Variants in BRAF observed in about 807,000 individuals in gnomAD.
The protein encoded by BRAF is B-Raf proto-oncogene, serine/threonine kinase, also known as serine/threonine-protein kinase B-raf.
In BRAF, 16 loss-of-function variants were observed where a neutral mutation model predicts 104.6. The observed-to-expected ratio is 0.15, with a 90% CI of 0.10 to 0.23. The LOEUF (loss-of-function observed/expected upper bound fraction) is 0.23. BRAF is among the 10% of genes least tolerant of loss of function. The pLI is 1.00. For synonymous variants in BRAF, 310 were observed against 341.6 expected, an observed-to-expected ratio of 0.91 and a Z score of 1.02; for missense variants, 541 against 937.3, an observed-to-expected ratio of 0.58 and a Z score of 5.52.
chr7:140,759,897 A>G (rs1219668710), intron 14 of BRAF, among the ~76,000 whole-genome samples: 1 of 152,330 alleles, frequency 6.6e-6, no homozygotes, highest in Admixed American at 6.5e-5. Flanking sequence ...TCTAAAACTT[A>G]GCATTTCTAA....
chr7:140,850,247 C>A (rs777696368), intron 1 of BRAF, 35 bp from the exon 2 acceptor site: 2 of 1,456,588 alleles, frequency 1.4e-6, no homozygotes, highest in Non-Finnish European at 9.6e-7. Context: ...AAATAAAAAT[C>A]ACTTAGTATA....
chr7:140,865,997 A>C (rs1432828254), intron 1 of BRAF, among the ~76,000 whole-genome samples: 1 of 152,224 alleles, frequency 6.6e-6, no homozygotes, highest in Non-Finnish European at 1.5e-5. Context: ...CCATAACGTC[A>C]AACTGTCCAC....
chr7:140,908,872 C>G (rs1457171896), intron 1 of BRAF, among the ~76,000 whole-genome samples: 1 of 136,626 alleles, frequency 7.3e-6, no homozygotes, highest in Non-Finnish European at 1.7e-5. Context: ...AGATTGGCAA[C>G]TGCCTTTAGG....
chr7:140,902,543 G>A (rs1315141552), intron 1 of BRAF, among the ~76,000 whole-genome samples: 1 of 152,220 alleles, frequency 6.6e-6, no homozygotes, highest in Non-Finnish European at 1.5e-5. Context: ...ATGTTGAAAG[G>A]CAGGCCTCTT....
rs936705115 is a variant in BRAF, at chr7:140,721,420, G to C, written c.*5074C>G. ...CCCTTTCCACAATTAACAAAAATTA[G>C]AATTGAATTTCAATTTAAATGTCTT... On this transcript the variant is annotated 3_prime_UTR_variant, in exon 20 of 20. Coordinates refer to ENST00000644969, the MANE Select transcript of BRAF (RefSeq NM_001374258.1). The C allele has an allele frequency of 8.0e-7, 1 of 1,251,260 alleles. No individual in the cohort carries two copies. Among genetic ancestry groups the C allele is most frequent in the African/African-American group, 1.5e-5 (1 of 64,588 alleles). The allele number at this position is 1,251,260 out of a possible 1,614,324, so 77.5% of individuals were successfully genotyped here.
chr7:140,756,972 T>C (rs1798252587), intron 14 of BRAF, among the ~76,000 whole-genome samples: 1 of 152,198 alleles, frequency 6.6e-6, no homozygotes, highest in Admixed American at 6.5e-5. Flanking sequence ...TTAAAAGCAA[T>C]ACTTCAGATC....
chr7:140,860,463 T>C (rs1196309759), intron 1 of BRAF, among the ~76,000 whole-genome samples: 4 of 109,008 alleles, frequency 3.7e-5, no homozygotes, highest in African/African-American at 2.0e-4. Context: ...ACCCCATCTC[T>C]AGAAAAAAAA....
intron 4 of BRAF, 139 bp from the exon 5 acceptor site, chr7:140,808,201 G>T (rs1803854626): frequency 1.4e-6 from 1 of 710,334 alleles, no homozygotes; most frequent in African/African-American, 1.8e-5. Context: ...TCCATCGTTA[G>T]AAATTTAAAT....
chr7:140,851,569 G>A (rs536009435), intron 1 of BRAF, among the ~76,000 whole-genome samples: 2 of 152,226 alleles, frequency 1.3e-5, no homozygotes, highest in African/African-American at 4.8e-5. Flanking sequence ...CAGAGTAAAA[G>A]TGCAAGTTTT....
At chr7:140,864,940 G>C (rs1810790452) in intron 1 of BRAF, among the ~76,000 whole-genome samples, 1 of 152,226 alleles carries the variant, frequency 6.6e-6, no homozygotes, top group South Asian at 2.1e-4. Flanking sequence ...GACAGAACAA[G>C]AGGACCAATG....
intron 1 of BRAF, among the ~76,000 whole-genome samples, chr7:140,897,464 T>A (rs1815070736): frequency 6.6e-6 from 1 of 151,840 alleles, no homozygotes; most frequent in Non-Finnish European, 1.5e-5. Context: ...AATATGCTTT[T>A]AACTCTGGAT....
At chr7:140,760,881 G>T (rs993607784) in intron 14 of BRAF, among the ~76,000 whole-genome samples, 1 of 152,092 alleles carries the variant, frequency 6.6e-6, no homozygotes, top group African/African-American at 2.4e-5. Context: ...AAGAAATATG[G>T]GACTATGTGA....
chr7:140,739,512 C>A (rs1796722374), intron 18 of BRAF, among the ~76,000 whole-genome samples: 1 of 100,338 alleles, frequency 1.0e-5, no homozygotes, highest in Non-Finnish European at 1.7e-5. Flanking sequence ...TAAACAAAAG[C>A]TCTTTGTGGG....
At chr7:140,861,334 G>C (rs1260276871) in intron 1 of BRAF, among the ~76,000 whole-genome samples, 3 of 152,162 alleles carry the variant, frequency 2.0e-5, no homozygotes, top group Non-Finnish European at 1.5e-5. Context: ...GTGTTTGTTA[G>C]GTACAAAAGG....
chr7:140,738,579 C>T (rs1002061586), intron 18 of BRAF, among the ~76,000 whole-genome samples: 2 of 152,164 alleles, frequency 1.3e-5, no homozygotes, highest in African/African-American at 4.8e-5. Flanking sequence ...ATATCTACTA[C>T]AGCTAAACTC....
At chr7:140,729,062 CAAA>C (rs764302395) in intron 19 of BRAF, among the ~76,000 whole-genome samples, 3 of 65,902 alleles carry the variant, frequency 4.6e-5, no homozygotes. Flanking sequence ...GCTGTCTCTC[CAAA>C]AAAAAAAAAA....
chr7:140,746,682 A>T (rs761823412), intron 17 of BRAF, among the ~76,000 whole-genome samples: 189 of 152,064 alleles, frequency 1.2e-3, no homozygotes, highest in Non-Finnish European at 2.3e-3. Context: ...ATACAAAAAA[A>T]TTAGCTGGGT....
chr7:140,753,346 G>T lies in BRAF; in HGVS notation c.1909C>A (p.Leu637Ile). ...CTCCATCGAGATTTCACTGTAGCTAGACCAAAATCACCTATTTTTACTGTG... is the reference window on the plus strand; with the variant it reads ...CTCCATCGAGATTTCACTGTAGCTATACCAAAATCACCTATTTTTACTGTG... ...DLTVKIGDFG[L>I]ATVKSRWSGS... The change falls in exon 16 of 20, where the codon CTA becomes ATA. Residue 637 changes from leucine (L) to isoleucine (I), a missense_variant. Around this residue, in one of 10 missense-constraint regions of BRAF, gnomAD observed 129 missense variants for 285.8 expected, o/e 0.45. Coordinates refer to ENST00000644969, the MANE Select transcript of BRAF (RefSeq NM_001374258.1). 1 of 1,612,502 alleles carries T rather than the reference G, an allele frequency of 6.2e-7. No homozygotes were observed. Among genetic ancestry groups the T allele is most frequent in the Non-Finnish European group, 8.5e-7 (1 of 1,178,776 alleles).
intron 1 of BRAF, among the ~76,000 whole-genome samples, chr7:140,874,204 CTTTTTTTTTT>C (rs551211923): frequency 7.3e-6 from 1 of 137,616 alleles, no homozygotes; most frequent in East Asian, 2.1e-4. Context: ...ATTTTACATA[CTTTTTTTTTT>C]TTTTTTTTGA....
Sources: allele counts gnomAD v4.1 joint callset (sites outside exome capture counted in the v4.1 genomes callset), GRCh38; gene constraint gnomAD v4.1.1; regional missense constraint gnomAD v4.1.1; transcripts MANE v1.5; gene names NCBI Gene and HGNC (gene_info 2026-07-23, HGNC 2026-07-21).